C3orf70: variants seen among roughly 807,000 people sequenced by gnomAD.
The protein encoded by C3orf70 is UPF0524 protein C3orf70.
In C3orf70, 15 loss-of-function variants were observed where a neutral mutation model predicts 20.7. The ratio of observed to expected loss-of-function variants is 0.72; its 90% CI spans 0.48 to 1.11. The LOEUF (loss-of-function observed/expected upper bound fraction) is 1.11. Among genes scored for constraint, C3orf70 ranks in the 50% most tolerant of loss-of-function variants. C3orf70 has a pLI of 0.00. For synonymous variants in C3orf70, 161 were observed against 125.7 expected (o/e 1.28, Z -1.88); for missense variants, 332 against 317.6 (o/e 1.05, Z -0.34).
chr3:185,122,005 A>AGGAGAATGGCGTGAACGCAGGAGGC (rs1716307231), intron 1 of C3orf70, among the ~76,000 whole-genome samples: 1 of 150,802 alleles, frequency 6.6e-6, no homozygotes, highest in Non-Finnish European at 1.5e-5. Context: ...AAGCGGAGGC[A>AGGAGAATGGCGTGAACGCAGGAGGC]GGAGAATGGC....
intron 1 of C3orf70, among the ~76,000 whole-genome samples, chr3:185,126,749 G>A (rs1311329840): frequency 6.6e-6 from 1 of 152,108 alleles, no homozygotes; most frequent in Non-Finnish European, 1.5e-5. Context: ...CGAAAATGCT[G>A]GCCCCTTGTT....
At chr3:185,146,641 C>T (rs958849620) in intron 1 of C3orf70, among the ~76,000 whole-genome samples, 8 of 152,176 alleles carry the variant, frequency 5.3e-5, no homozygotes, top group Non-Finnish European at 8.8e-5. Context: ...CAAACTACCA[C>T]TCCTTATTTT....
chr3:185,133,522 C>A (rs1321376510), intron 1 of C3orf70, among the ~76,000 whole-genome samples: 1 of 152,216 alleles, frequency 6.6e-6, no homozygotes, highest in East Asian at 1.9e-4. Context: ...GCAGGCGGAT[C>A]ACCTGAGGTC....
chr3:185,109,442 C>T (rs1716016103), intron 1 of C3orf70, among the ~76,000 whole-genome samples: 1 of 152,084 alleles, frequency 6.6e-6, no homozygotes, highest in Non-Finnish European at 1.5e-5. Flanking sequence ...TGGGAGGATC[C>T]CAAGGACCCC....
intron 1 of C3orf70, among the ~76,000 whole-genome samples, chr3:185,102,335 AG>A (rs1257864540): frequency 6.6e-6 from 1 of 152,240 alleles, no homozygotes; most frequent in Non-Finnish European, 1.5e-5. Flanking sequence ...AAAATTAACC[AG>A]GAATATAGCT....
chr3:185,150,657 T>C (rs1716973359), intron 1 of C3orf70, among the ~76,000 whole-genome samples: 2 of 152,182 alleles, frequency 1.3e-5, no homozygotes, highest in Admixed American at 6.5e-5. Context: ...GCTGCAGCAA[T>C]AGCAGTATCT....
chr3:185,092,460 A>G (rs958294614), intron 1 of C3orf70, among the ~76,000 whole-genome samples: 2 of 152,022 alleles, frequency 1.3e-5, no homozygotes, highest in African/African-American at 4.8e-5. Context: ...CCCAAACCCT[A>G]GAGTTTGCTT....
At chr3:185,136,396 T>C (rs1012373859) in intron 1 of C3orf70, among the ~76,000 whole-genome samples, 1 of 151,944 alleles carries the variant, frequency 6.6e-6, no homozygotes, top group Non-Finnish European at 1.5e-5. Context: ...GAGACCAGCC[T>C]GGCCAAAATG....
chr3:185,094,083 T>TG (rs1715650668), intron 1 of C3orf70, among the ~76,000 whole-genome samples: 2 of 142,544 alleles, frequency 1.4e-5, no homozygotes, highest in Admixed American at 7.0e-5. Flanking sequence ...GGTTTTTTTT[T>TG]TTTTTTTTTT....
chr3:185,092,021 A>T, intron 1 of C3orf70, among the ~76,000 whole-genome samples: 1 of 127,328 alleles, frequency 7.9e-6, no homozygotes, highest in East Asian at 2.4e-4. Context: ...CTGGTCTTGA[A>T]CTCCTGACCT....
intron 1 of C3orf70, among the ~76,000 whole-genome samples, chr3:185,143,216 T>C (rs541705612): frequency 6.6e-6 from 1 of 152,214 alleles, no homozygotes; most frequent in Non-Finnish European, 1.5e-5. Flanking sequence ...AGTGTCATGA[T>C]GTCTGCAACT....
intron 1 of C3orf70, among the ~76,000 whole-genome samples, chr3:185,091,315 G>A (rs1039725556): frequency 2.6e-5 from 4 of 152,080 alleles, no homozygotes; most frequent in African/African-American, 7.2e-5. Flanking sequence ...TTAGACAGTC[G>A]ATCAAAAGGG....
Position 185,106,760 on chromosome 3 carries a change from G to A in C3orf70, c.197-23197C>T, listed in dbSNP as rs547572208. On this transcript the variant is annotated intron_variant, in intron 1 of 1. Transcript: ENST00000335012. ...GAGCCTTCTGCCTGGGGAACCCCCC[G>A]CAAAAAGTTCCAACAGGGCTCTGTG... is the stretch of plus-strand genomic sequence containing the variant. Among the ~76,000 whole-genome samples, 19 of 152,348 alleles carry A rather than the reference G, an allele frequency of 1.2e-4. 1 individual carries two copies. Among genetic ancestry groups the A allele is most frequent in the African/African-American group, 3.8e-4 (16 of 41,580 alleles).
intron 1 of C3orf70, among the ~76,000 whole-genome samples, chr3:185,147,498 T>G (rs1442337959): frequency 6.6e-6 from 1 of 152,226 alleles, no homozygotes; most frequent in Non-Finnish European, 1.5e-5. Context: ...CTGTTGGTTC[T>G]GCTCACTAAT....
intron 1 of C3orf70, among the ~76,000 whole-genome samples, chr3:185,112,705 T>C (rs1036447000): frequency 1.3e-5 from 2 of 152,208 alleles, no homozygotes; most frequent in African/African-American, 4.8e-5. Context: ...AGTTAAAAGA[T>C]AAAACTATCA....
chr3:185,099,884 G>C (rs1299825827), intron 1 of C3orf70, among the ~76,000 whole-genome samples: 1 of 152,114 alleles, frequency 6.6e-6, no homozygotes, highest in African/African-American at 2.4e-5. Flanking sequence ...CAAGCAAATG[G>C]AAAACAGAAA....
intron 1 of C3orf70, among the ~76,000 whole-genome samples, chr3:185,147,929 C>T (rs1716909546): frequency 6.6e-6 from 1 of 152,188 alleles, no homozygotes; most frequent in Admixed American, 6.5e-5. Context: ...CTGCTGAAAA[C>T]TGGTTTCATC....
At chr3:185,109,034 T>C (rs1171944258) in intron 1 of C3orf70, among the ~76,000 whole-genome samples, 2 of 152,226 alleles carry the variant, frequency 1.3e-5, no homozygotes, top group South Asian at 4.1e-4. Context: ...TTAAACACAT[T>C]ACTGGCATCC....
At chr3:185,097,398 T>C (rs555037528) in intron 1 of C3orf70, among the ~76,000 whole-genome samples, 1 of 152,336 alleles carries the variant, frequency 6.6e-6, no homozygotes, top group East Asian at 1.9e-4. Flanking sequence ...ATCTCAATAA[T>C]ATCAAAAATA....
Sources: gnomAD v4.1 joint callset for allele counts (sites outside exome capture counted in the v4.1 genomes callset) on GRCh38, gnomAD v4.1.1 for gene constraint, MANE v1.5 for transcripts, NCBI Gene and HGNC (gene_info 2026-07-23, HGNC 2026-07-21) for gene names.